The following FAT3 variants were observed in gnomAD, a reference collection of about 807,000 sequenced individuals.
FAT3 encodes FAT atypical cadherin 3, also known as protocadherin Fat 3.
In FAT3, 95 loss-of-function variants were observed where a neutral mutation model predicts 310.2. That is an observed-to-expected ratio of 0.31 (90% CI 0.26 to 0.36). The LOEUF (loss-of-function observed/expected upper bound fraction) is 0.36, where lower values mean the gene tolerates loss of function less well. Among genes scored for constraint, FAT3 ranks in the 10% least tolerant of loss-of-function variants. The probability of loss-of-function intolerance (pLI) is 1.00; values close to 1 mark genes in which losing one functional copy is unlikely to be tolerated. For synonymous variants in FAT3, 2,314 were observed against 2,192.9 expected (o/e 1.06, Z -1.54); for missense variants, 5,408 against 5,715.6 (o/e 0.95, Z 1.74).
chr11:92,683,086 A>T (rs922850766), intron 3 of FAT3, among the ~76,000 whole-genome samples: 1 of 150,772 alleles, frequency 6.6e-6, no homozygotes. Flanking sequence ...AAAAAAAAAA[A>T]GTGGTATCTG....
intron 2 of FAT3, among the ~76,000 whole-genome samples, chr11:92,445,761 G>A (rs2135098509): frequency 6.6e-6 from 1 of 152,254 alleles, no homozygotes; most frequent in East Asian, 1.9e-4. Flanking sequence ...CAGGGGAGCA[G>A]GTGGTGGTCT....
At chr11:92,293,067 A>AGGAAGGAAGGAT (rs1565206306) in intron 1 of FAT3, among the ~76,000 whole-genome samples, 38 of 144,382 alleles carry the variant, frequency 2.6e-4, no homozygotes, top group Non-Finnish European at 2.2e-4. Flanking sequence ...GAAGGAAGGA[A>AGGAAGGAAGGAT]GGAAGGAAGG....
intron 3 of FAT3, among the ~76,000 whole-genome samples, chr11:92,561,537 C>A (rs113645910): frequency 1.4e-4 from 21 of 152,014 alleles, no homozygotes; most frequent in African/African-American, 4.6e-4. Context: ...TTCCTTCTTT[C>A]GTTTTCTCAG....
At chr11:92,499,165 G>A (rs1952854949) in intron 2 of FAT3, among the ~76,000 whole-genome samples, 1 of 152,026 alleles carries the variant, frequency 6.6e-6, no homozygotes, top group African/African-American at 2.4e-5. Context: ...CTCTGACCTT[G>A]AGTAGGTATG....
intron 1 of FAT3, among the ~76,000 whole-genome samples, chr11:92,314,732 G>A (rs1947392037): frequency 6.6e-6 from 1 of 152,194 alleles, no homozygotes; most frequent in South Asian, 2.1e-4. Flanking sequence ...TTGGGACCCT[G>A]GAGTTGTCCT....
chr11:92,251,719 AGTGCCTACT>A (rs60604552), intron 1 of FAT3, among the ~76,000 whole-genome samples: 42,716 of 151,720 alleles, frequency 0.28, 6,674 homozygotes, highest in African/African-American at 0.42. Flanking sequence ...AAGAAATTTG[AGTGCCTACT>A]GTGCCTACTT....
rs756956581 is a variant in FAT3, at chr11:92,799,143, C to T, written c.6130C>T (p.Arg2044Cys). The T allele has an allele frequency of 2.9e-5, 47 of 1,613,714 alleles. No homozygotes were observed. Among genetic ancestry groups the T allele is most frequent in the East Asian group, 2.2e-4 (10 of 44,854 alleles). ...TCAGACGACTGGAGTCCCCTTTGAC[C>T]GTGAAGAACAAGAGTTATATGAGCT... ...VIQTTGVPFD[R>C]EEQELYELVV... Residue 2044 changes from arginine (R) to cysteine (C), a missense_variant, in exon 10 of 28, where the codon CGT becomes TGT. Physicochemically the swap from Arg to Cys is radical, Grantham distance 180. Around this residue, in one of 5 missense-constraint regions of FAT3, gnomAD observed 4,588 missense variants for 4,809.8 expected, o/e 0.95. Transcript: ENST00000525166.
At position 92,758,153 on chromosome 11, in the gene FAT3, T is replaced by G. The variant is rs182515840; in HGVS notation, c.3670-3703T>G. 1.1e-3 allele frequency among the ~76,000 whole-genome samples: 172 copies of G among 152,320 alleles called. 2 individuals are homozygous for G. Among genetic ancestry groups the G allele is most frequent in the African/African-American group, 3.7e-3 (153 of 41,568 alleles). The stretch of plus-strand genomic sequence containing the variant: ...GTGAATTCTTGATTTCATAGAATAT[T>G]TGTCACTTAGAGCTGTACCAGGTGC... On this transcript the variant is annotated intron_variant, in intron 4 of 27. Coordinates refer to ENST00000525166, the MANE Select transcript of FAT3 (RefSeq NM_001367949.2).
chr11:92,366,737 G>A (rs1949032527), intron 2 of FAT3: 8 of 535,462 alleles, frequency 1.5e-5, no homozygotes, highest in South Asian at 1.1e-4. Context: ...GATCTGGGGA[G>A]CTATTTCTTC....
At chr11:92,820,904 A>G (rs1269915244) in intron 13 of FAT3, among the ~76,000 whole-genome samples, 2 of 152,236 alleles carry the variant, frequency 1.3e-5, no homozygotes, top group African/African-American at 4.8e-5. Context: ...CATAGCCATT[A>G]TCTTTTCACA....
At chr11:92,567,075 G>T (rs964419608) in intron 3 of FAT3, among the ~76,000 whole-genome samples, 45 of 152,216 alleles carry the variant, frequency 3.0e-4, no homozygotes, top group Non-Finnish European at 5.6e-4. Flanking sequence ...CACAGCAAAA[G>T]AAACTGCCAT....
At chr11:92,531,406 G>T (rs1352493739) in intron 3 of FAT3, among the ~76,000 whole-genome samples, 2 of 152,136 alleles carry the variant, frequency 1.3e-5, no homozygotes, top group African/African-American at 4.8e-5. Context: ...TGGGTTGAGG[G>T]TGGGGGTCAT....
At chr11:92,237,273 A>T (rs1353513671) in intron 1 of FAT3, among the ~76,000 whole-genome samples, 1 of 152,078 alleles carries the variant, frequency 6.6e-6, no homozygotes, top group African/African-American at 2.4e-5. Context: ...TTCCATGCAG[A>T]TTTCCGGGCA....
chr11:92,679,279 G>GTTCA (rs1943391621), intron 3 of FAT3, among the ~76,000 whole-genome samples: 1 of 150,554 alleles, frequency 6.6e-6, no homozygotes, highest in Non-Finnish European at 1.5e-5. Flanking sequence ...TTTTTTTTTG[G>GTTCA]TTTATTTATT....
chr11:92,323,589 T>C (rs1010088428), intron 1 of FAT3, among the ~76,000 whole-genome samples: 4 of 150,786 alleles, frequency 2.7e-5, no homozygotes, highest in East Asian at 1.9e-4. Flanking sequence ...TTTTTTCTTT[T>C]TTTTTTTTTT....
intron 3 of FAT3, among the ~76,000 whole-genome samples, chr11:92,689,728 G>C (rs1300061724): frequency 6.6e-6 from 1 of 152,140 alleles, no homozygotes; most frequent in Non-Finnish European, 1.5e-5. Flanking sequence ...GGTTCTAACT[G>C]TATGAATGTG....
Position 92,353,491 on chromosome 11 carries a change from T to C in FAT3, c.1379T>C (p.Ile460Thr), listed in dbSNP as rs749891758. 1.1e-5 allele frequency: 17 copies of C among 1,613,316 alleles called. No homozygotes were observed. Among genetic ancestry groups the C allele is most frequent in the Non-Finnish European group, 1.4e-5 (16 of 1,179,722 alleles). ...KEGDLKAQVT[I>T]SIEDANDHTP... ...GGAGATTTAAAAGCACAGGTCACCA[T>C]CAGCATAGAAGATGCAAATGACCAC... Residue 460 changes from isoleucine (I) to threonine (T), a missense_variant, in exon 2 of 28, where the codon ATC (isoleucine) becomes ACC (threonine). Physicochemically the swap from Ile to Thr is moderately conservative, Grantham distance 89. Coordinates refer to ENST00000525166, the MANE Select transcript of FAT3 (RefSeq NM_001367949.2).
intron 3 of FAT3, among the ~76,000 whole-genome samples, chr11:92,544,922 C>G (rs1422919260): frequency 6.6e-6 from 1 of 152,190 alleles, no homozygotes; most frequent in Non-Finnish European, 1.5e-5. Context: ...CTCTTCATAG[C>G]TGTTGGAGGC....
chr11:92,229,414 G>C (rs1012089027), intron 1 of FAT3, among the ~76,000 whole-genome samples: 3 of 146,812 alleles, frequency 2.0e-5, no homozygotes, highest in Non-Finnish European at 4.5e-5. Context: ...AACTTACTGA[G>C]TTTTCTGTCA....
Sources: gnomAD v4.1 joint callset for allele counts (sites outside exome capture counted in the v4.1 genomes callset) on GRCh38, gnomAD v4.1.1 for gene constraint, gnomAD v4.1.1 regional missense constraint, MANE v1.5 for transcripts, NCBI Gene and HGNC (gene_info 2026-07-23, HGNC 2026-07-21) for gene names.